RGS6: variants seen among roughly 807,000 people sequenced by gnomAD.
RGS6 encodes regulator of G protein signaling 6.
In RGS6, 30 loss-of-function variants were observed where a neutral mutation model predicts 78.5. That is an observed-to-expected ratio of 0.38 (90% CI 0.29 to 0.52). The LOEUF (loss-of-function observed/expected upper bound fraction) is 0.52, where lower values mean the gene tolerates loss of function less well. Ranked by LOEUF, RGS6 falls within the 20% of genes least tolerant of loss-of-function variation. The probability of loss-of-function intolerance (pLI) is 0.85; values close to 1 mark genes in which losing one functional copy is unlikely to be tolerated. For synonymous variants in RGS6, 206 were observed against 206.0 expected, an observed-to-expected ratio of 1.00 and a Z score of 0.00; for missense variants, 495 against 609.7, an observed-to-expected ratio of 0.81 and a Z score of 1.98.
At chr14:72,411,207 G>A (rs929308892) in intron 3 of RGS6, among the ~76,000 whole-genome samples, 1 of 152,162 alleles carries the variant, frequency 6.6e-6, no homozygotes, top group African/African-American at 2.4e-5. Flanking sequence ...CATGAGCATG[G>A]AATGTTCTTG....
chr14:72,007,337 G>T (rs1022848104), intron 2 of RGS6, among the ~76,000 whole-genome samples: 1 of 152,088 alleles, frequency 6.6e-6, no homozygotes, highest in African/African-American at 2.4e-5. Flanking sequence ...GGCACTTTTA[G>T]GAAAACAAGG....
Position 72,412,080 on chromosome 14 carries a change from A to T in RGS6, c.185-42448A>T, listed in dbSNP as rs1273963964. Among the ~76,000 whole-genome samples the T allele has an allele frequency of 1.6e-4, 24 of 152,210 alleles. 1 individual carries two copies. The highest frequency in any genetic ancestry group is 1.5e-5 in the Non-Finnish European group (1 of 68,038). On this transcript the variant is annotated intron_variant, in intron 3 of 17. Coordinates refer to ENST00000553525, the MANE Select transcript of RGS6 (RefSeq NM_001204424.2). ...TTGGTATCAGGATGACGCTGGCCTCATAAAATGAGTTAGGAAGGATTCCGT... is the reference window on the plus strand; with the variant it reads ...TTGGTATCAGGATGACGCTGGCCTCTTAAAATGAGTTAGGAAGGATTCCGT...
intron 13 of RGS6, among the ~76,000 whole-genome samples, chr14:72,509,080 T>C (rs1159656721): frequency 1.3e-5 from 2 of 152,068 alleles, no homozygotes; most frequent in African/African-American, 2.4e-5. Flanking sequence ...AATTAAGAAC[T>C]GGGGCCGGGT....
intron 2 of RGS6, among the ~76,000 whole-genome samples, chr14:72,184,400 A>ACACACACG (rs2097212133): frequency 6.6e-6 from 1 of 151,858 alleles, no homozygotes. Context: ...ACACACACAC[A>ACACACACG]CACACACACA....
chr14:71,898,949 A>G, the RGS6 span, among the ~76,000 whole-genome samples: 1 of 152,228 alleles, frequency 6.6e-6, no homozygotes, highest in Non-Finnish European at 1.5e-5. Context: ...AATGCATTCA[A>G]AGCATTAATG....
chr14:72,104,923 G>C (rs2095602443), intron 2 of RGS6, among the ~76,000 whole-genome samples: 1 of 152,196 alleles, frequency 6.6e-6, no homozygotes, highest in Non-Finnish European at 1.5e-5. Context: ...ACAAGGATCT[G>C]ACTATGGTTC....
chr14:72,386,610 G>T (rs539992484), intron 3 of RGS6, among the ~76,000 whole-genome samples: 1 of 152,160 alleles, frequency 6.6e-6, no homozygotes, highest in African/African-American at 2.4e-5. Flanking sequence ...ATGAGTCTGT[G>T]AGCAAAGGGC....
chr14:71,964,700 A>C, intron 1 of RGS6, 72 bp from the exon 2 acceptor site: 1 of 1,039,546 alleles, frequency 9.6e-7, no homozygotes. Flanking sequence ...AAGTTACTTA[A>C]TTCTTTGCAT....
intron 1 of RGS6, among the ~76,000 whole-genome samples, chr14:71,955,799 C>T (rs1040575919): frequency 6.7e-6 from 1 of 149,720 alleles, no homozygotes; most frequent in African/African-American, 2.5e-5. Context: ...ATGCGTAACT[C>T]TCTGGGAATG....
At chr14:72,241,558 C>T (rs989915322) in intron 2 of RGS6, among the ~76,000 whole-genome samples, 3 of 152,126 alleles carry the variant, frequency 2.0e-5, no homozygotes, top group Non-Finnish European at 2.9e-5. Flanking sequence ...AGATGCTTTT[C>T]CAAGCATATA....
At chr14:72,466,306 C>T (rs983383329) in intron 7 of RGS6, among the ~76,000 whole-genome samples, 1 of 152,238 alleles carries the variant, frequency 6.6e-6, no homozygotes, top group African/African-American at 2.4e-5. Flanking sequence ...GGTACAGCCA[C>T]TCTAGAAAAT....
chr14:72,157,141 C>T (rs1180476880), intron 2 of RGS6, among the ~76,000 whole-genome samples: 5 of 152,158 alleles, frequency 3.3e-5, no homozygotes, highest in African/African-American at 1.2e-4. Context: ...TAGGTGATGT[C>T]TCTAAAGAAC....
chr14:72,181,040 C>T (rs2097167655), intron 2 of RGS6, among the ~76,000 whole-genome samples: 1 of 152,158 alleles, frequency 6.6e-6, no homozygotes, highest in South Asian at 2.1e-4. Context: ...CAGGTTTTCT[C>T]TTAATTCTGG....
chr14:72,325,521 A>G (rs2073489896), intron 2 of RGS6, among the ~76,000 whole-genome samples: 1 of 152,060 alleles, frequency 6.6e-6, no homozygotes, highest in Non-Finnish European at 1.5e-5. Flanking sequence ...GTCTTGAATT[A>G]ATTTTTGTAT....
intron 2 of RGS6, among the ~76,000 whole-genome samples, chr14:72,188,698 C>G (rs2153712506): frequency 6.6e-6 from 1 of 152,310 alleles, no homozygotes; most frequent in African/African-American, 2.4e-5. Flanking sequence ...TGTGTTGCGA[C>G]ACAGCCTCCA....
At chr14:72,308,905 A>G (rs775766597) in intron 2 of RGS6, among the ~76,000 whole-genome samples, 3 of 152,188 alleles carry the variant, frequency 2.0e-5, no homozygotes, top group Admixed American at 6.5e-5. Context: ...TCATCAAGTC[A>G]TTTCATGCCT....
intron 2 of RGS6, among the ~76,000 whole-genome samples, chr14:72,142,477 A>T (rs1217811799): frequency 6.6e-6 from 1 of 152,102 alleles, no homozygotes. Context: ...CATGAAAATC[A>T]CTCAGAGGAA....
At chr14:72,156,287 A>T (rs945226743) in intron 2 of RGS6, among the ~76,000 whole-genome samples, 1 of 152,020 alleles carries the variant, frequency 6.6e-6, no homozygotes, top group Admixed American at 6.6e-5. Flanking sequence ...TCTACTAAAG[A>T]TACAAAAAAT....
At chr14:72,319,582 C>G (rs1163265102) in intron 2 of RGS6, among the ~76,000 whole-genome samples, 2 of 151,994 alleles carry the variant, frequency 1.3e-5, no homozygotes, top group African/African-American at 4.8e-5. Flanking sequence ...ACCTCATGAT[C>G]TGCCTGCCTC....
Sources: allele counts gnomAD v4.1 joint callset (sites outside exome capture counted in the v4.1 genomes callset), GRCh38; gene constraint gnomAD v4.1.1; transcripts MANE v1.5; gene names NCBI Gene and HGNC (gene_info 2026-07-23, HGNC 2026-07-21).